Variants in SNTG1 observed in about 807,000 individuals in gnomAD.
SNTG1 encodes the protein syntrophin gamma 1.
SNTG1 carries 39 observed loss-of-function variants against 74.7 expected under a neutral mutation model. The observed-to-expected ratio is 0.52, with a 90% confidence interval of 0.40 to 0.68. The LOEUF is 0.68. Among genes scored for constraint, SNTG1 ranks in the 30% least tolerant of loss-of-function variants. The pLI, the probability that SNTG1 is intolerant of heterozygous loss-of-function variation, is 0.00. For missense variants in SNTG1, 685 were observed against 609.5 expected, an observed-to-expected ratio of 1.12 and a Z score of -1.30; for synonymous variants, 254 against 217.1, an observed-to-expected ratio of 1.17 and a Z score of -1.49.
At chr8:50,219,218 G>A (rs1051854080) in intron 2 of SNTG1, among the ~76,000 whole-genome samples, 5 of 152,096 alleles carry the variant, frequency 3.3e-5, no homozygotes, top group African/African-American at 1.2e-4. Context: ...TACTTCTAAT[G>A]CCAAAAGACC....
chr8:49,973,368 TG>T (rs1050119863), intron 1 of SNTG1, among the ~76,000 whole-genome samples: 1 of 116,686 alleles, frequency 8.6e-6, no homozygotes, highest in Non-Finnish European at 1.8e-5. Context: ...TGTTGTGGGG[TG>T]GGGGGAAGGG....
At chr8:50,112,506 T>C (rs1181889957) in intron 1 of SNTG1, among the ~76,000 whole-genome samples, 3 of 144,930 alleles carry the variant, frequency 2.1e-5, no homozygotes, top group African/African-American at 7.6e-5. Flanking sequence ...CACAAGTATT[T>C]AGTTCTTTCT....
chr8:50,093,454 A>G (rs2079814969), intron 1 of SNTG1, among the ~76,000 whole-genome samples: 1 of 152,038 alleles, frequency 6.6e-6, no homozygotes, highest in South Asian at 2.1e-4. Flanking sequence ...TGGCATACTC[A>G]CCAGTAATTA....
chr8:50,091,912 T>C lies in SNTG1; in HGVS notation c.-102-80649T>C, dbSNP rs2079753432. Among the ~76,000 whole-genome samples, 4 of 152,124 alleles carry C rather than the reference T, an allele frequency of 2.6e-5. No individual in the cohort carries two copies. In the South Asian group the frequency reaches 8.3e-4, roughly 32 times the overall value. ...TTTAATCTGAGTAAACTACAGTATGTTAGGACTTCTGCTGAGTGAGATAGC... is the reference window on the plus strand; with the variant it reads ...TTTAATCTGAGTAAACTACAGTATGCTAGGACTTCTGCTGAGTGAGATAGC... On this transcript the variant is annotated intron_variant, in intron 1 of 18. Transcript: ENST00000642720.
At chr8:49,947,790 T>A (rs1360407952) in intron 1 of SNTG1, among the ~76,000 whole-genome samples, 2 of 152,102 alleles carry the variant, frequency 1.3e-5, no homozygotes. Flanking sequence ...TTAAACATCA[T>A]CCAAAAAATA....
intron 1 of SNTG1, among the ~76,000 whole-genome samples, chr8:50,047,395 G>A (rs895226044): frequency 6.6e-6 from 1 of 151,834 alleles, no homozygotes; most frequent in Non-Finnish European, 1.5e-5. Context: ...TTACCTATAT[G>A]CAGACCTACT....
chr8:50,331,316 C>A (rs1297920342), intron 2 of SNTG1, among the ~76,000 whole-genome samples: 1 of 152,136 alleles, frequency 6.6e-6, no homozygotes, highest in Non-Finnish European at 1.5e-5. Context: ...TCTAGGACAT[C>A]TGATTTTGAC....
chr8:50,367,712 AT>A (rs1284198085), intron 2 of SNTG1, among the ~76,000 whole-genome samples: 2 of 152,062 alleles, frequency 1.3e-5, no homozygotes, highest in African/African-American at 4.8e-5. Flanking sequence ...GTGATTGTTA[AT>A]TTTTTGTGTC....
chr8:50,153,618 A>T (rs990289186), intron 1 of SNTG1, among the ~76,000 whole-genome samples: 8 of 152,030 alleles, frequency 5.3e-5, no homozygotes, highest in African/African-American at 1.9e-4. Context: ...TTTTCCTTCT[A>T]CCAGTCAGGA....
chr8:50,049,694 A>G (rs1819403396), intron 1 of SNTG1, among the ~76,000 whole-genome samples: 1 of 152,108 alleles, frequency 6.6e-6, no homozygotes, highest in African/African-American at 2.4e-5. Context: ...TCCACAATAG[A>G]CTACATTCGG....
At chr8:50,575,490 C>G (rs1189890362) in intron 12 of SNTG1, among the ~76,000 whole-genome samples, 1 of 152,174 alleles carries the variant, frequency 6.6e-6, no homozygotes, top group East Asian at 1.9e-4. Flanking sequence ...CACACCTCAG[C>G]TCCTTTTCTG....
At chr8:49,923,049 C>T (rs532504391) in intron 1 of SNTG1, among the ~76,000 whole-genome samples, 1 of 152,060 alleles carries the variant, frequency 6.6e-6, no homozygotes, top group Admixed American at 6.6e-5. Context: ...GTTTAAGGCC[C>T]TTTTTCTTAG....
At chr8:50,578,602 G>T (rs1261919238) in intron 12 of SNTG1, among the ~76,000 whole-genome samples, 1 of 152,190 alleles carries the variant, frequency 6.6e-6, no homozygotes. Context: ...GGACCTGATT[G>T]TGGAGGTAAT....
At chr8:50,547,868 A>G (rs1994032) in intron 11 of SNTG1, among the ~76,000 whole-genome samples, 62,096 of 152,094 alleles carry the variant, frequency 0.41, 17,233 homozygotes, top group African/African-American at 0.79. Context: ...AATTTGCATG[A>G]CAATGCTTTC....
intron 1 of SNTG1, among the ~76,000 whole-genome samples, chr8:50,102,514 G>C (rs1419175147): frequency 6.9e-6 from 1 of 144,206 alleles, no homozygotes; most frequent in Non-Finnish European, 1.5e-5. Flanking sequence ...TAGGTTGCCT[G>C]TTCACTCTGA....
intron 18 of SNTG1, among the ~76,000 whole-genome samples, chr8:50,783,940 CTTA>C (rs2095667489): frequency 6.6e-6 from 1 of 152,188 alleles, no homozygotes. Context: ...TATTCCAAAT[CTTA>C]CATAAACATT....
intron 1 of SNTG1, among the ~76,000 whole-genome samples, chr8:50,016,496 A>G (rs1421004289): frequency 6.6e-6 from 1 of 152,040 alleles, no homozygotes; most frequent in African/African-American, 2.4e-5. Context: ...GTCATTGTCA[A>G]CTTCTGATGG....
chr8:50,290,848 C>T (rs569366753), intron 2 of SNTG1, among the ~76,000 whole-genome samples: 3 of 152,174 alleles, frequency 2.0e-5, no homozygotes, highest in Admixed American at 6.5e-5. Context: ...GCAGCCTTGA[C>T]TTCCCAGGTT....
At chr8:50,740,022 G>C (rs917281344) in intron 17 of SNTG1, among the ~76,000 whole-genome samples, 2 of 151,966 alleles carry the variant, frequency 1.3e-5, no homozygotes, top group East Asian at 3.9e-4. Context: ...AAAAACTCTG[G>C]AATACAGCCT....
Sources: allele counts gnomAD v4.1 joint callset (sites outside exome capture counted in the v4.1 genomes callset), GRCh38; gene constraint gnomAD v4.1.1; transcripts MANE v1.5; gene names NCBI Gene and HGNC (gene_info 2026-07-23, HGNC 2026-07-21).